Variants in NKAIN1 observed in about 807,000 individuals in gnomAD.
The protein encoded by NKAIN1 is sodium/potassium transporting ATPase interacting 1.
NKAIN1 carries 13 observed loss-of-function variants against 31.6 expected under a neutral mutation model. That is an observed-to-expected ratio of 0.41 (90% CI 0.27 to 0.65). NKAIN1 has a LOEUF of 0.65. Ranked by LOEUF, NKAIN1 falls within the 30% of genes least tolerant of loss-of-function variation. The pLI is 0.30. For synonymous variants in NKAIN1, 104 were observed against 109.0 expected (o/e 0.95, Z 0.28); for missense variants, 193 against 262.2 (o/e 0.74, Z 1.82).
chr1:31,205,366 T>A (rs1253997695), intron 1 of NKAIN1, among the ~76,000 whole-genome samples: 2 of 152,064 alleles, frequency 1.3e-5, no homozygotes, highest in Non-Finnish European at 2.9e-5. Context: ...TGGAGTGCAG[T>A]GTCACAATCT....
At chr1:31,201,316 G>A (rs1244686554) in intron 1 of NKAIN1, among the ~76,000 whole-genome samples, 3 of 151,120 alleles carry the variant, frequency 2.0e-5, no homozygotes, top group Non-Finnish European at 4.4e-5. Flanking sequence ...AGCACTCATT[G>A]TCTATAAACC....
At chr1:31,183,032 C>T (rs1454866647) in intron 4 of NKAIN1, among the ~76,000 whole-genome samples, 2 of 151,918 alleles carry the variant, frequency 1.3e-5, no homozygotes, top group South Asian at 4.2e-4. Flanking sequence ...CTCTGTCACC[C>T]AGGCTGTAGT....
At chr1:31,194,972 A>G (rs781570176) in intron 1 of NKAIN1, among the ~76,000 whole-genome samples, 34 of 148,922 alleles carry the variant, frequency 2.3e-4, no homozygotes, top group Non-Finnish European at 4.0e-4. Context: ...GGGTTTCACC[A>G]TGTTAGTCAT....
intron 1 of NKAIN1, among the ~76,000 whole-genome samples, chr1:31,205,648 C>G (rs1163694183): frequency 1.6e-5 from 2 of 128,698 alleles, no homozygotes; most frequent in African/African-American, 6.0e-5. Context: ...GATGGAGTCT[C>G]ACTCTGTCAC....
chr1:31,234,036 C>T (rs1003851872), intron 1 of NKAIN1, among the ~76,000 whole-genome samples: 14 of 152,218 alleles, frequency 9.2e-5, no homozygotes, highest in African/African-American at 3.4e-4. Flanking sequence ...AGGAGGAGAA[C>T]CAGGGCCATC....
intron 3 of NKAIN1, 23 bp downstream of exon 3, chr1:31,185,224 G>A: frequency 1.9e-6 from 3 of 1,591,150 alleles, no homozygotes; most frequent in Non-Finnish European, 2.6e-6. Flanking sequence ...CTGCCCTATG[G>A]CACTGCCAGG....
intron 1 of NKAIN1, among the ~76,000 whole-genome samples, chr1:31,190,610 T>G (rs967250486): frequency 6.6e-5 from 10 of 152,040 alleles, no homozygotes; most frequent in Admixed American, 2.6e-4. Flanking sequence ...GACTCCTGGG[T>G]GACTTTGGGC....
In NKAIN1 at chr1:31,181,632, C is replaced by T; in HGVS notation, c.*71G>A. On this transcript the variant is annotated 3_prime_UTR_variant, in exon 7 of 7. Transcript: ENST00000373736. ...GCGGGCCACCAGGGGGACACGCCTGCGCCTTGGCCCGAGCTCGCGGCAGCT... is the reference window on the plus strand; with the variant it reads ...GCGGGCCACCAGGGGGACACGCCTGTGCCTTGGCCCGAGCTCGCGGCAGCT... 7.2e-7 allele frequency: 1 copy of T among 1,396,038 alleles called. No homozygotes were observed. The highest frequency in any genetic ancestry group is 9.4e-7 in the Non-Finnish European group (1 of 1,061,528). 86.5% of individuals were successfully genotyped at this position (1,396,038 alleles called of 1,614,324 possible).
chr1:31,189,192 GCCA>G, intron 1 of NKAIN1, among the ~76,000 whole-genome samples: 1 of 152,016 alleles, frequency 6.6e-6, no homozygotes, highest in Non-Finnish European at 1.5e-5. Flanking sequence ...TGTGAGCGAG[GCCA>G]TGCTAGATCA....
Position 31,181,900 on chromosome 1 carries a change from G to T in NKAIN1, c.574C>A (p.Pro192Thr). The change falls in exon 6 of 7, where the codon CCC (proline) becomes ACC (threonine). Residue 192 changes from proline (P) to threonine (T), a missense_variant. Pro to Thr is a conservative substitution (Grantham distance 38, BLOSUM62 -1). Coordinates refer to ENST00000373736, the MANE Select transcript of NKAIN1 (RefSeq NM_024522.3). ...AGCTGTAAATGCGACGTCTTCTGGG[G>T]CGCCTGGTATCCGTAGGAGTCAAAG... is the stretch of plus-strand genomic sequence containing the variant. ...GGFDSYGYQA[P>T]QKTSHLQLQP... 1.2e-6 allele frequency: 2 copies of T among 1,608,368 alleles called. No homozygotes were observed. The highest frequency in any genetic ancestry group is 1.7e-6 in the Non-Finnish European group (2 of 1,178,132).
At chr1:31,200,804 T>C (rs896914984) in intron 1 of NKAIN1, among the ~76,000 whole-genome samples, 6 of 152,018 alleles carry the variant, frequency 3.9e-5, no homozygotes, top group Admixed American at 2.6e-4. Flanking sequence ...GTATTCTGAG[T>C]ACATAACATG....
intron 2 of NKAIN1, among the ~76,000 whole-genome samples, chr1:31,187,506 C>G (rs562273231): frequency 2.6e-5 from 4 of 152,240 alleles, no homozygotes; most frequent in Non-Finnish European, 5.9e-5. Context: ...AAATGCCAAG[C>G]CTTCCTGAAG....
chr1:31,209,771 C>T (rs570780877), intron 1 of NKAIN1, among the ~76,000 whole-genome samples: 3 of 151,774 alleles, frequency 2.0e-5, no homozygotes, highest in African/African-American at 4.8e-5. Context: ...GAGCTGTGAT[C>T]GCATCACTCC....
chr1:31,192,816 A>C (rs938471025), intron 1 of NKAIN1, among the ~76,000 whole-genome samples: 1 of 152,022 alleles, frequency 6.6e-6, no homozygotes, highest in Non-Finnish European at 1.5e-5. Context: ...GGCCTCCCAA[A>C]GTGCTGGGAT....
chr1:31,215,520 T>A (rs1645504485), intron 1 of NKAIN1, among the ~76,000 whole-genome samples: 1 of 152,184 alleles, frequency 6.6e-6, no homozygotes, highest in Admixed American at 6.5e-5. Context: ...GTCAGTCTGG[T>A]GTCCTTCCCT....
chr1:31,196,580 G>C (rs149195326), intron 1 of NKAIN1, among the ~76,000 whole-genome samples: 1 of 150,228 alleles, frequency 6.7e-6, no homozygotes, highest in Non-Finnish European at 1.5e-5. Flanking sequence ...CCAGCTACTA[G>C]GGAGGCTGAG....
intron 1 of NKAIN1, among the ~76,000 whole-genome samples, chr1:31,203,059 G>A (rs1391986762): frequency 6.6e-6 from 1 of 150,454 alleles, no homozygotes; most frequent in Non-Finnish European, 1.5e-5. Flanking sequence ...GGACTCCTGA[G>A]GTCAGGAGTT....
At chr1:31,184,273 C>T (rs1645225754) in intron 3 of NKAIN1, among the ~76,000 whole-genome samples, 1 of 152,162 alleles carries the variant, frequency 6.6e-6, no homozygotes, top group East Asian at 1.9e-4. Flanking sequence ...TTCCCAGCCA[C>T]AGGTGAAATC....
At position 31,181,930 on chromosome 1, in the gene NKAIN1, C is replaced by T. The variant is rs769812872; in HGVS notation, c.544G>A (p.Gly182Ser). 6 of 1,607,438 alleles carry T rather than the reference C, an allele frequency of 3.7e-6. No homozygotes were observed. In the Admixed American group the frequency reaches 6.8e-5, roughly 18 times the overall value. The change falls in exon 6 of 7, where the codon GGC (glycine) becomes AGC (serine). Residue 182 changes from glycine (G) to serine (S), a missense_variant. Coordinates refer to ENST00000373736, the MANE Select transcript of NKAIN1 (RefSeq NM_024522.3). ...LEEEDSFDFI[G>S]GFDSYGYQAP... is the part of the protein sequence containing the mutation. ...TGGTATCCGTAGGAGTCAAAGCCGC[C>T]GATGAAGTCAACTGCGGAAGAGGGG... is the stretch of plus-strand genomic sequence containing the variant.
Sources: allele counts gnomAD v4.1 joint callset (sites outside exome capture counted in the v4.1 genomes callset), GRCh38; gene constraint gnomAD v4.1.1; transcripts MANE v1.5; gene names NCBI Gene and HGNC (gene_info 2026-07-23, HGNC 2026-07-21).